Variants in LRRC49 observed in about 807,000 individuals in gnomAD.
LRRC49 encodes leucine-rich repeat-containing protein 49.
LRRC49 carries 50 observed loss-of-function variants against 83.3 expected under a neutral mutation model. The ratio of observed to expected loss-of-function variants is 0.60; its 90% CI spans 0.48 to 0.76. The LOEUF is 0.76. Among genes scored for constraint, LRRC49 ranks in the 30% least tolerant of loss-of-function variants. The pLI, the probability that LRRC49 is intolerant of heterozygous loss-of-function variation, is 0.00. For synonymous variants in LRRC49, 286 were observed against 283.3 expected (o/e 1.01, Z -0.10); for missense variants, 704 against 809.1 (o/e 0.87, Z 1.58).
intron 11 of LRRC49, among the ~76,000 whole-genome samples, chr15:71,004,088 A>G (rs1010522346): frequency 6.6e-6 from 1 of 152,152 alleles, no homozygotes; most frequent in African/African-American, 2.4e-5. Context: ...ACTTGCATTG[A>G]ATATAATCTC....
chr15:70,992,426 C>A (rs538688728), intron 11 of LRRC49, among the ~76,000 whole-genome samples: 171 of 152,282 alleles, frequency 1.1e-3, no homozygotes, highest in African/African-American at 3.9e-3. Flanking sequence ...GTTTTTTCCC[C>A]ATCTTTGTGG....
In LRRC49 at chr15:70,984,159, C is replaced by A; in HGVS notation, c.1071C>A (p.Ala357=). ...RQWDLQQQRV[A]NIATNEDRKD... The stretch of plus-strand genomic sequence containing the variant: ...GGGACTTGCAACAACAACGAGTAGC[C>A]AATATTGCTACAAATGAAGATAGAA... Residue 357 remains alanine (A), a synonymous_variant, in exon 11 of 16, where the codon GCC becomes GCA. Coordinates refer to ENST00000260382, the MANE Select transcript of LRRC49 (RefSeq NM_017691.5). 6.2e-7 allele frequency: 1 copy of A among 1,612,624 alleles called. No homozygotes were observed. Among genetic ancestry groups the A allele is most frequent in the South Asian group, 1.1e-5 (1 of 91,018 alleles).
At chr15:70,956,387 T>C (rs1426685246) in intron 8 of LRRC49, among the ~76,000 whole-genome samples, 1 of 151,862 alleles carries the variant, frequency 6.6e-6, no homozygotes, top group Non-Finnish European at 1.5e-5. Context: ...GTATGAGTAA[T>C]CTGGAAAAAG....
At chr15:70,872,872 A>G (rs1014305910) in intron 1 of LRRC49, 1 of 230,716 alleles carries the variant, frequency 4.3e-6, no homozygotes, top group Non-Finnish European at 8.8e-6. Context: ...TATCTTATAA[A>G]CTTGACATAA....
At chr15:70,921,151 A>G (rs1158873873) in intron 7 of LRRC49, among the ~76,000 whole-genome samples, 1 of 152,188 alleles carries the variant, frequency 6.6e-6, no homozygotes, top group Non-Finnish European at 1.5e-5. Context: ...AAGTTCTTGA[A>G]TCCCACACAT....
At chr15:70,961,949 A>C (rs1471862099) in intron 8 of LRRC49, among the ~76,000 whole-genome samples, 1 of 152,220 alleles carries the variant, frequency 6.6e-6, no homozygotes, top group Non-Finnish European at 1.5e-5. Flanking sequence ...CGACAAGAGA[A>C]TCTAACTGTA....
At chr15:70,859,970 G>A (rs111566682) in intron 1 of LRRC49, 252,386 of 759,318 alleles carry the variant, frequency 0.33, 45,057 homozygotes, top group Admixed American at 0.39. Context: ...CAGCGGCTAT[G>A]CAGGTGGTCT....
At chr15:70,943,298 A>G (rs2035889575) in intron 8 of LRRC49, among the ~76,000 whole-genome samples, 2 of 152,142 alleles carry the variant, frequency 1.3e-5, no homozygotes, top group Admixed American at 6.5e-5. Context: ...TTGCCTCCTC[A>G]GAAGAAAGAA....
chr15:70,904,897 G>C, intron 5 of LRRC49, 142 bp downstream of exon 5: 1 of 588,800 alleles, frequency 1.7e-6, no homozygotes, highest in South Asian at 2.6e-5. Flanking sequence ...AATGGATTAA[G>C]ATCCAGTCAT....
At chr15:71,029,759 C>T (rs1383521389) in intron 14 of LRRC49, among the ~76,000 whole-genome samples, 3 of 152,128 alleles carry the variant, frequency 2.0e-5, no homozygotes, top group Non-Finnish European at 2.9e-5. Context: ...GCATTGATCC[C>T]TTTACCATTA....
chr15:70,948,854 ATGTATGTG>A (rs936538664), intron 8 of LRRC49, among the ~76,000 whole-genome samples: 8 of 152,100 alleles, frequency 5.3e-5, no homozygotes, highest in African/African-American at 1.9e-4. Context: ...GCATGTGTAT[ATGTATGTG>A]TGTATGTGTG....
Position 71,052,008 on chromosome 15 carries a change from A to G in LRRC49, c.*2396A>G, listed in dbSNP as rs557696154. On this transcript the variant is annotated 3_prime_UTR_variant, in exon 16 of 16. Coordinates refer to ENST00000260382, the MANE Select transcript of LRRC49 (RefSeq NM_017691.5). Reference sequence around the variant, plus strand: ...GTCGGGTCTCAAACGTCGAATGGCGATCCTCCCATCTAGTTCTACACTCCA... The same window carrying G: ...GTCGGGTCTCAAACGTCGAATGGCGGTCCTCCCATCTAGTTCTACACTCCA... 2.6e-5 allele frequency: 4 copies of G among 151,914 alleles called. No individual in the cohort carries two copies. The highest frequency in any genetic ancestry group is 9.7e-5 in the African/African-American group (4 of 41,380). The allele number at this position is 151,914 out of a possible 1,614,324, so 9.4% of individuals were successfully genotyped here. A position where few individuals can be genotyped will look rare whatever the true frequency, so the allele number is the denominator to read the frequency against.
rs77165348 is a variant in LRRC49, at chr15:71,007,395, A to G, written c.1170-984A>G. On this transcript the variant is annotated intron_variant, in intron 11 of 15. Transcript: ENST00000260382. Reference sequence around the variant, plus strand: ...ATAAAATTGTAATATAGTTATGAGAAGTGTGTTCCAGGAGTATACCAAAGA... The same window carrying G: ...ATAAAATTGTAATATAGTTATGAGAGGTGTGTTCCAGGAGTATACCAAAGA... Among the ~76,000 whole-genome samples the G allele has an allele frequency of 7.2e-3, 1,099 of 152,054 alleles. 13 individuals carry two copies. The highest frequency in any genetic ancestry group is 0.026 in the African/African-American group (1,061 of 41,534).
chr15:70,853,946 C>T, intron 1 of LRRC49: 8 of 1,446,100 alleles, frequency 5.5e-6, no homozygotes, highest in Non-Finnish European at 7.3e-6. Flanking sequence ...GCTGAGGTAC[C>T]GGGCCGGGTC....
intron 8 of LRRC49, among the ~76,000 whole-genome samples, chr15:70,939,384 T>C (rs994669554): frequency 6.6e-6 from 1 of 152,184 alleles, no homozygotes; most frequent in African/African-American, 2.4e-5. Flanking sequence ...AGAACTCTTT[T>C]TGGTGTGTCC....
intron 5 of LRRC49, chr15:70,907,780 C>T (rs1042146538): frequency 2.8e-6 from 1 of 357,998 alleles, no homozygotes; most frequent in East Asian, 7.3e-5. Context: ...ATGGGTGAGC[C>T]TCATCTTTTT....
intron 7 of LRRC49, among the ~76,000 whole-genome samples, chr15:70,921,193 G>C (rs1043332185): frequency 2.0e-5 from 3 of 152,186 alleles, no homozygotes; most frequent in Admixed American, 2.0e-4. Flanking sequence ...AAGTGAAAGG[G>C]AAAGTCACTC....
At chr15:71,029,437 C>T (rs2039279904) in intron 14 of LRRC49, among the ~76,000 whole-genome samples, 1 of 152,056 alleles carries the variant, frequency 6.6e-6, no homozygotes, top group Non-Finnish European at 1.5e-5. Flanking sequence ...GTTTTGCTTC[C>T]AGTTATGTGG....
At chr15:70,942,677 C>T (rs1014727748) in intron 8 of LRRC49, among the ~76,000 whole-genome samples, 1 of 152,096 alleles carries the variant, frequency 6.6e-6, no homozygotes, top group Non-Finnish European at 1.5e-5. Context: ...GCCCTCAGGA[C>T]GTCCCAAGAA....
Sources: gnomAD v4.1 joint callset for allele counts (sites outside exome capture counted in the v4.1 genomes callset) on GRCh38, gnomAD v4.1.1 for gene constraint, MANE v1.5 for transcripts, NCBI Gene and HGNC (gene_info 2026-07-23, HGNC 2026-07-21) for gene names.